Variants in MRPL3 observed in about 807,000 individuals in gnomAD.
MRPL3 encodes the protein mitochondrial ribosomal protein L3.
A neutral mutation model predicts 44.3 loss-of-function variants in MRPL3; 43 were observed. The ratio of observed to expected loss-of-function variants is 0.97; its 90% CI spans 0.76 to 1.25. The LOEUF is 1.25. Ranked by LOEUF, MRPL3 falls within the 50% of genes most tolerant of loss-of-function variation. The pLI, the probability that MRPL3 is intolerant of heterozygous loss-of-function variation, is 0.00. For synonymous variants in MRPL3, 171 were observed against 152.3 expected, an observed-to-expected ratio of 1.12 and a Z score of -0.91; for missense variants, 406 against 427.6, an observed-to-expected ratio of 0.95 and a Z score of 0.45.
chr3:131,470,440 C>T (rs192520989), intron 7 of MRPL3, among the ~76,000 whole-genome samples: 1 of 152,098 alleles, frequency 6.6e-6, no homozygotes, highest in African/African-American at 2.4e-5. Context: ...CAGCTGCTCT[C>T]ACATTAACAG....
intron 3 of MRPL3, among the ~76,000 whole-genome samples, chr3:131,499,939 T>C (rs1277331769): frequency 3.3e-5 from 5 of 152,146 alleles, no homozygotes; most frequent in Non-Finnish European, 7.4e-5. Flanking sequence ...AGGAACACAC[T>C]AGTAAGTGGC....
chr3:131,474,733 G>GA (rs1202109695), intron 6 of MRPL3, among the ~76,000 whole-genome samples: 4 of 150,542 alleles, frequency 2.7e-5, no homozygotes, highest in African/African-American at 9.8e-5. Context: ...AAAAAGACTG[G>GA]AAAAAATTCT....
intron 6 of MRPL3, among the ~76,000 whole-genome samples, chr3:131,485,156 A>C (rs980420806): frequency 3.9e-5 from 6 of 152,228 alleles, no homozygotes; most frequent in African/African-American, 1.4e-4. Context: ...ACCAAAAAAC[A>C]AAAGTTTTCC....
At chr3:131,501,827 G>C (rs1326187361) in intron 1 of MRPL3, 112 bp from the exon 2 acceptor site, 1 of 1,588,914 alleles carries the variant, frequency 6.3e-7, no homozygotes, top group South Asian at 1.1e-5. Flanking sequence ...TTGGGAAAGG[G>C]CTTGGATTCT....
chr3:131,470,338 GT>G (rs2110696038), intron 7 of MRPL3, among the ~76,000 whole-genome samples: 1 of 152,208 alleles, frequency 6.6e-6, no homozygotes, highest in South Asian at 2.1e-4. Context: ...ACGGGTAATA[GT>G]TCTACATCTA....
At chr3:131,498,379 G>T (rs1156533719) in intron 3 of MRPL3, 102 bp from the exon 4 acceptor site, 2 of 645,498 alleles carry the variant, frequency 3.1e-6, no homozygotes, top group South Asian at 1.9e-5. Context: ...ATTCCCTACA[G>T]TTACTTACCT....
At chr3:131,497,797 T>A (rs1934401696) in intron 4 of MRPL3, among the ~76,000 whole-genome samples, 1 of 152,124 alleles carries the variant, frequency 6.6e-6, no homozygotes, top group Non-Finnish European at 1.5e-5. Context: ...GAAAGTGAAA[T>A]GAAACATAAA....
At chr3:131,484,739 C>G (rs1270963609) in intron 6 of MRPL3, among the ~76,000 whole-genome samples, 1 of 152,080 alleles carries the variant, frequency 6.6e-6, no homozygotes, top group Non-Finnish European at 1.5e-5. Flanking sequence ...ATGAGAAGGA[C>G]AACGAATCCT....
At chr3:131,463,132 A>C (rs1933528168) in intron 9 of MRPL3, among the ~76,000 whole-genome samples, 2 of 152,202 alleles carry the variant, frequency 1.3e-5, no homozygotes, top group African/African-American at 2.4e-5. Context: ...AACTTGTAAG[A>C]ATCTCTAGGA....
rs1210831598 is a variant in MRPL3, at chr3:131,462,543, T to C, written c.*180A>G. The stretch of plus-strand genomic sequence containing the variant: ...ATCTACTTAACTCATATATTTAATG[T>C]GGTAATTTTTCTAACAAAATTTAAT... On this transcript the variant is annotated 3_prime_UTR_variant, in exon 10 of 10. Coordinates refer to ENST00000264995, the MANE Select transcript of MRPL3 (RefSeq NM_007208.4). 12 of 466,416 alleles carry C rather than the reference T, an allele frequency of 2.6e-5. No individual in the cohort carries two copies. Among genetic ancestry groups the C allele is most frequent in the Non-Finnish European group, 4.3e-5 (12 of 281,204 alleles). The allele number at this position is 466,416 out of a possible 1,614,324, so 28.9% of individuals were successfully genotyped here.
intron 6 of MRPL3, among the ~76,000 whole-genome samples, chr3:131,484,012 T>C (rs1335890528): frequency 6.6e-6 from 1 of 152,226 alleles, no homozygotes; most frequent in African/African-American, 2.4e-5. Context: ...AGCCAATTAC[T>C]AAACAGACTA....
chr3:131,500,402 T>C (rs777340279), intron 3 of MRPL3, 28 bp downstream of exon 3: 1 of 1,551,766 alleles, frequency 6.4e-7, no homozygotes, highest in East Asian at 2.2e-5. Context: ...CACATAGATA[T>C]CTCTTACGTC....
rs1393375049 is a variant in MRPL3 at position 131,471,280 on chromosome 3, C to T, written c.630-1G>A. Reference sequence around the variant, plus strand: ...GACACCTTGAAAACCTTTACCAATACTGAACAAAACAAACGTTAGAATTTA... The same window carrying T: ...GACACCTTGAAAACCTTTACCAATATTGAACAAAACAAACGTTAGAATTTA... On this transcript the variant is annotated splice_acceptor_variant, in intron 6 of 9. Coordinates refer to ENST00000264995, the MANE Select transcript of MRPL3 (RefSeq NM_007208.4). LOFTEE classifies it high-confidence loss of function. 3 of 1,597,994 alleles carry T rather than the reference C, an allele frequency of 1.9e-6. No individual in the cohort carries two copies. Among genetic ancestry groups the T allele is most frequent in the East Asian group, 2.2e-5 (1 of 44,784 alleles).
chr3:131,476,593 T>C (rs1933857219), intron 6 of MRPL3, among the ~76,000 whole-genome samples: 2 of 152,098 alleles, frequency 1.3e-5, no homozygotes, highest in African/African-American at 4.8e-5. Context: ...AAGCTTAAAG[T>C]GGAAAGAACA....
At chr3:131,497,817 A>G (rs920666455) in intron 4 of MRPL3, among the ~76,000 whole-genome samples, 3 of 152,212 alleles carry the variant, frequency 2.0e-5, no homozygotes, top group Non-Finnish European at 4.4e-5. Flanking sequence ...AACAATAACA[A>G]AATAACCAAA....
intron 6 of MRPL3, 143 bp downstream of exon 6, chr3:131,487,537 G>C (rs1934156974): frequency 1.5e-6 from 1 of 686,654 alleles, no homozygotes; most frequent in South Asian, 1.8e-5. Flanking sequence ...ACCAGTGTAG[G>C]TAACATGAAA....
At chr3:131,465,575 T>G (rs1349957371) in intron 9 of MRPL3, among the ~76,000 whole-genome samples, 2 of 152,134 alleles carry the variant, frequency 1.3e-5, no homozygotes, top group Admixed American at 6.6e-5. Flanking sequence ...AAAGGAGGAT[T>G]TGACATTTAA....
At chr3:131,500,604 G>C in intron 2 of MRPL3, 83 bp from the exon 3 acceptor site, 2 of 1,126,640 alleles carry the variant, frequency 1.8e-6, no homozygotes, top group Non-Finnish European at 2.7e-6. Flanking sequence ...CTAAAATCAG[G>C]TTTCCGTATG....
At chr3:131,500,298 T>C in intron 3 of MRPL3, 132 bp downstream of exon 3, 1 of 685,938 alleles carries the variant, frequency 1.5e-6, no homozygotes, top group Admixed American at 2.5e-5. Context: ...TTTAATACTA[T>C]TTATGTTCAA....
Sources: gnomAD v4.1 joint callset for allele counts (sites outside exome capture counted in the v4.1 genomes callset) on GRCh38, gnomAD v4.1.1 for gene constraint, MANE v1.5 for transcripts, NCBI Gene and HGNC (gene_info 2026-07-23, HGNC 2026-07-21) for gene names.